Variants in TASOR observed in about 807,000 individuals in gnomAD.
TASOR encodes protein TASOR.
Under a neutral mutation model 178.6 loss-of-function variants are expected in TASOR, and 53 were observed. The ratio of observed to expected loss-of-function variants is 0.30; its 90% confidence interval spans 0.24 to 0.37. The LOEUF is 0.37. Among genes scored for constraint, TASOR ranks in the 10% least tolerant of loss-of-function variants. TASOR has a pLI of 1.00. For synonymous variants in TASOR, 713 were observed against 696.2 expected (o/e 1.02, Z -0.38); for missense variants, 1,815 against 1,971.4 (o/e 0.92, Z 1.50).
At chr3:56,668,269 GA>G (rs2030276019) in intron 6 of TASOR, 127 bp downstream of exon 6, 1 of 813,442 alleles carries the variant, frequency 1.2e-6, no homozygotes, top group Admixed American at 3.0e-5. Flanking sequence ...CTGGAGTCTG[GA>G]AGTGATATGC....
Position 56,622,175 on chromosome 3 carries a change from A to AAGTT in TASOR, c.*858_*861dup, listed in dbSNP as rs1413263330. On this transcript the variant is annotated 3_prime_UTR_variant, in exon 24 of 24. Transcript: ENST00000683822. ...ATTTTTAAAAGTTAGCATTAGTAACAAGTTAGTAATTAGTATTAGAGGCAG... is the reference window on the plus strand; with the variant it reads ...ATTTTTAAAAGTTAGCATTAGTAACAAGTTAGTTAGTAATTAGTATTAGAGGCAG... The AAGTT allele has an allele frequency of 3.3e-5, 5 of 152,284 alleles. No individual in the cohort carries two copies. The highest frequency in any genetic ancestry group is 1.3e-4 in the Admixed American group (2 of 15,282). The allele number at this position is 152,284 out of a possible 1,614,324, so 9.4% of individuals were successfully genotyped here. A position where few individuals can be genotyped will look rare whatever the true frequency, so the allele number is the denominator to read the frequency against.
intron 14 of TASOR, among the ~76,000 whole-genome samples, chr3:56,642,383 C>T (rs767058531): frequency 1.3e-5 from 2 of 152,160 alleles, no homozygotes; most frequent in African/African-American, 4.8e-5. Flanking sequence ...CACTATAAAT[C>T]TGTATAATCT....
chr3:56,660,613 A>G, intron 11 of TASOR, 118 bp downstream of exon 11: 1 of 705,126 alleles, frequency 1.4e-6, no homozygotes, highest in Non-Finnish European at 2.4e-6. Context: ...CAGCAGCAAC[A>G]GACAGACACC....
Position 56,641,346 on chromosome 3 carries a change from T to C in TASOR, c.2619+3A>G. On this transcript the variant is annotated splice_donor_region_variant and intron_variant, in intron 15 of 23. Coordinates refer to ENST00000683822, the MANE Select transcript of TASOR (RefSeq NM_001365635.2). ...CAAAGGTAACCAACAGCTATATGCTTACTTCTTTCAAATGTAGCTTATGGT... is the reference window on the plus strand; with the variant it reads ...CAAAGGTAACCAACAGCTATATGCTCACTTCTTTCAAATGTAGCTTATGGT... 6 of 1,584,346 alleles carry C rather than the reference T, an allele frequency of 3.8e-6. No homozygotes were observed. Among genetic ancestry groups the C allele is most frequent in the Non-Finnish European group, 5.2e-6 (6 of 1,157,278 alleles).
At chr3:56,634,464 G>C (rs554490263) in intron 17 of TASOR, among the ~76,000 whole-genome samples, 12 of 152,256 alleles carry the variant, frequency 7.9e-5, no homozygotes, top group African/African-American at 2.4e-4. Flanking sequence ...GTTGCATCTA[G>C]GATCTAGGAT....
In TASOR at chr3:56,633,158, C is replaced by G. The variant is rs759027720; in HGVS notation, c.3633G>C (p.Gln1211His). Residue 1211 changes from glutamine to histidine, a missense_variant, in exon 18 of 24, where the codon CAG becomes CAC. This residue lies in a region of TASOR where 655 missense variants were observed against 671.1 expected (regional missense o/e 0.98). Coordinates refer to ENST00000683822, the MANE Select transcript of TASOR (RefSeq NM_001365635.2). Reference sequence around the variant, plus strand: ...AACTATTAAATACTTCAGGTTCTAACTGGCTTATAAAATTTGAAAGAGCTG... The same window carrying G: ...AACTATTAAATACTTCAGGTTCTAAGTGGCTTATAAAATTTGAAAGAGCTG... ...AQPALSNFIS[Q>H]LEPEVFNSLV... 4.3e-6 allele frequency: 7 copies of G among 1,614,048 alleles called. No homozygotes were observed. Among genetic ancestry groups the G allele is most frequent in the Non-Finnish European group, 5.9e-6 (7 of 1,180,040 alleles).
At chr3:56,638,843 G>A in intron 16 of TASOR, 78 bp from the exon 17 acceptor site, 1 of 1,344,350 alleles carries the variant, frequency 7.4e-7, no homozygotes, top group Non-Finnish European at 1.1e-6. Flanking sequence ...AACCCCAAGT[G>A]ATAACAATGC....
intron 1 of TASOR, among the ~76,000 whole-genome samples, chr3:56,677,942 C>T (rs1025875245): frequency 3.3e-5 from 5 of 152,170 alleles, no homozygotes; most frequent in African/African-American, 1.2e-4. Context: ...CATTAAATGC[C>T]TGTCAGAAGA....
At chr3:56,666,795 G>A (rs1485057734) in intron 6 of TASOR, among the ~76,000 whole-genome samples, 6 of 152,136 alleles carry the variant, frequency 3.9e-5, no homozygotes, top group African/African-American at 1.4e-4. Flanking sequence ...ACACACCTGG[G>A]CTCCAATTGC....
chr3:56,655,614 T>TA (rs1475704249), intron 11 of TASOR, among the ~76,000 whole-genome samples: 1 of 151,986 alleles, frequency 6.6e-6, no homozygotes, highest in Non-Finnish European at 1.5e-5. Context: ...TTAAAAATTT[T>TA]AAAAAATAGA....
rs1578198797 is a variant in TASOR at position 56,633,238 on chromosome 3, C to T, written c.3553G>A (p.Glu1185Lys). ...DHIVPGDMAR[E>K]PVEETTKSPS... ...GATTTTGTTGTTTCTTCTACTGGTT[C>T]CCGGGCCATATCACCAGGTACAATA... The change falls in exon 18 of 24, where the codon GAA becomes AAA. Residue 1185 changes from glutamate to lysine, a missense_variant. By Grantham distance (56) the Glu-to-Lys change is moderately conservative (BLOSUM62 1). Coordinates refer to ENST00000683822, the MANE Select transcript of TASOR (RefSeq NM_001365635.2). 1.2e-6 allele frequency: 2 copies of T among 1,614,080 alleles called. No individual in the cohort carries two copies.
chr3:56,671,515 A>T, intron 3 of TASOR, 85 bp downstream of exon 3: 1 of 938,850 alleles, frequency 1.1e-6, no homozygotes, highest in South Asian at 1.8e-5. Flanking sequence ...CTGTAATTGT[A>T]AAGAATACTG....
intron 11 of TASOR, among the ~76,000 whole-genome samples, chr3:56,653,262 CAAAA>C (rs1176419181): frequency 2.0e-4 from 1 of 4,974 alleles, no homozygotes; most frequent in African/African-American, 5.8e-4. Flanking sequence ...GACTCCATCT[CAAAA>C]AAAAAAAAAA....
rs771451825 is a variant in TASOR, at chr3:56,673,715, C to T, written c.342G>A (p.Gln114=). The T allele has an allele frequency of 4.5e-5, 70 of 1,542,802 alleles. No homozygotes were observed. Among genetic ancestry groups the T allele is most frequent in the Admixed American group, 1.0e-4 (5 of 48,994 alleles). ...RKSREKKALF[Q]PLTPGSREFE... is the part of the protein sequence containing the mutation. ...ATTCTCGAGAGCCTGGAGTTAATGGCTGGAAAAGTGCTAAAATAAAAAAAC... is the reference window on the plus strand; with the variant it reads ...ATTCTCGAGAGCCTGGAGTTAATGGTTGGAAAAGTGCTAAAATAAAAAAAC... The change falls in exon 2 of 24, where the codon CAG becomes CAA. Residue 114 remains glutamine, a synonymous_variant. Transcript: ENST00000683822.
intron 1 of TASOR, among the ~76,000 whole-genome samples, chr3:56,678,904 G>A (rs2031555552): frequency 6.6e-6 from 1 of 151,862 alleles, no homozygotes; most frequent in Non-Finnish European, 1.5e-5. Context: ...CGAACTACTG[G>A]GGGAGGCTAA....
intron 13 of TASOR, among the ~76,000 whole-genome samples, chr3:56,647,967 G>A (rs1171007699): frequency 2.6e-5 from 4 of 152,164 alleles, no homozygotes; most frequent in African/African-American, 9.7e-5. Flanking sequence ...GGGAGGCTGA[G>A]GTAGTTGGAT....
rs547396125 is a variant in TASOR, at chr3:56,654,858, C to G, written c.1369-5801G>C. Among the ~76,000 whole-genome samples the G allele has an allele frequency of 1.3e-3, 201 of 152,342 alleles. 1 individual carries two copies. The highest frequency in any genetic ancestry group is 0.01 in the Middle Eastern group (3 of 294). On this transcript the variant is annotated intron_variant, in intron 11 of 23. Transcript: ENST00000683822. ...CCACTGGCAGTCCTGGTTCTTGCAC[C>G]TGCATACTCAGACTGAAACTGTACC...
chr3:56,674,344 T>C (rs1255567912), intron 1 of TASOR, among the ~76,000 whole-genome samples: 1 of 145,846 alleles, frequency 6.9e-6, no homozygotes, highest in Non-Finnish European at 1.5e-5. Flanking sequence ...CTACAAACCA[T>C]TAAAAAAAAA....
chr3:56,655,195 AG>A (rs775390855), intron 11 of TASOR, among the ~76,000 whole-genome samples: 4 of 152,230 alleles, frequency 2.6e-5, no homozygotes, highest in Admixed American at 1.3e-4. Context: ...AAATGTTATA[AG>A]GCTTTTTTTT....
Sources: gnomAD v4.1 joint callset for allele counts (sites outside exome capture counted in the v4.1 genomes callset) on GRCh38, gnomAD v4.1.1 for gene constraint, gnomAD v4.1.1 regional missense constraint, MANE v1.5 for transcripts, NCBI Gene and HGNC (gene_info 2026-07-23, HGNC 2026-07-21) for gene names.